KLHL6: variants seen among roughly 807,000 people sequenced by gnomAD.
KLHL6 encodes the protein kelch-like protein 6.
Under a neutral mutation model 58.6 loss-of-function variants are expected in KLHL6, and 41 were observed. That is an observed-to-expected ratio of 0.70 (90% confidence interval 0.55 to 0.91). KLHL6 has a LOEUF of 0.91. KLHL6 is among the 40% of genes least tolerant of loss of function. The probability of loss-of-function intolerance (pLI) is 0.00; values close to 1 mark genes in which losing one functional copy is unlikely to be tolerated. For missense variants in KLHL6, 714 were observed against 805.6 expected (o/e 0.89, Z 1.38); for synonymous variants, 338 against 322.7 (o/e 1.05, Z -0.51).
At chr3:183,525,317 A>G (rs542354840) in intron 2 of KLHL6, among the ~76,000 whole-genome samples, 3 of 116,394 alleles carry the variant, frequency 2.6e-5, no homozygotes, top group South Asian at 5.2e-4. Context: ...GTCTCTTACA[A>G]TCCTAACCCG....
chr3:183,538,184 A>G (rs988794165), intron 1 of KLHL6, among the ~76,000 whole-genome samples: 3 of 152,168 alleles, frequency 2.0e-5, no homozygotes, highest in African/African-American at 4.8e-5. Flanking sequence ...ACGTACCTGC[A>G]CTACTTCAAT....
rs773791242 is a variant in KLHL6 at position 183,508,233 on chromosome 3, G to A, written c.735C>T (p.His245=). 1.2e-6 allele frequency: 2 copies of A among 1,613,824 alleles called. No homozygotes were observed. The highest frequency in any genetic ancestry group is 1.7e-5 in the Admixed American group (1 of 60,016). The change falls in exon 3 of 7, where the codon CAC becomes CAT. Residue 245 remains histidine (H), a synonymous_variant. Coordinates refer to ENST00000341319, the MANE Select transcript of KLHL6 (RefSeq NM_130446.4). ...VFETVMSWVR[H]KPSERLCLLP... is the part of the protein sequence containing the mutation. ...GTAAGCAGAGTCGTTCTGATGGCTT[G>A]TGCCGGACCCAGCTCATCACGGTCT...
intron 1 of KLHL6, among the ~76,000 whole-genome samples, chr3:183,535,862 G>A (rs1712346696): frequency 6.6e-6 from 1 of 152,148 alleles, no homozygotes; most frequent in African/African-American, 2.4e-5. Context: ...TGCAAGCTCT[G>A]CCTCCCGGGT....
intron 2 of KLHL6, among the ~76,000 whole-genome samples, chr3:183,517,525 G>A (rs1711605990): frequency 1.3e-5 from 2 of 152,130 alleles, no homozygotes. Flanking sequence ...TCATGGAGTG[G>A]GCAGAAAAGG....
At position 183,491,863 on chromosome 3, in the gene KLHL6, G is replaced by A. The variant is rs185436388; in HGVS notation, c.*64C>T. The A allele has an allele frequency of 2.8e-3, 3,803 of 1,369,120 alleles. 90 individuals carry two copies. The African/African-American group carries it at 0.05, about 18-fold the overall frequency. 84.8% of individuals were successfully genotyped at this position (1,369,120 alleles called of 1,614,324 possible). A position where few individuals can be genotyped will look rare whatever the true frequency, so the allele number is the denominator to read the frequency against. On this transcript the variant is annotated 3_prime_UTR_variant, in exon 7 of 7. Transcript: ENST00000341319. ...CCTGCTGCCTGAAGTGGGACTGGAGGAGGGTGAGAGGTGAGGCGGGTACGC... is the reference window on the plus strand; with the variant it reads ...CCTGCTGCCTGAAGTGGGACTGGAGAAGGGTGAGAGGTGAGGCGGGTACGC...
intron 1 of KLHL6, among the ~76,000 whole-genome samples, chr3:183,528,212 G>A (rs1487237569): frequency 2.0e-5 from 3 of 152,084 alleles, no homozygotes; most frequent in African/African-American, 7.2e-5. Context: ...GAACTGCCCT[G>A]CTCCTCCATG....
At chr3:183,514,075 T>A (rs1393413316) in intron 2 of KLHL6, among the ~76,000 whole-genome samples, 1 of 152,192 alleles carries the variant, frequency 6.6e-6, no homozygotes. Flanking sequence ...GCTGCGAGCA[T>A]CTATTAATAT....
intron 2 of KLHL6, among the ~76,000 whole-genome samples, chr3:183,515,072 C>T (rs923544148): frequency 2.8e-4 from 42 of 152,270 alleles, no homozygotes; most frequent in African/African-American, 9.4e-4. Context: ...GCACATGTGG[C>T]ATTTTTCTGG....
chr3:183,526,074 G>A (rs1257251398), intron 2 of KLHL6, among the ~76,000 whole-genome samples: 5 of 152,192 alleles, frequency 3.3e-5, no homozygotes, highest in African/African-American at 4.8e-5. Context: ...TTGGGAGGCC[G>A]AGGCGGGCGG....
intron 4 of KLHL6, among the ~76,000 whole-genome samples, chr3:183,498,052 T>C (rs981558605): frequency 3.3e-5 from 5 of 151,934 alleles, no homozygotes; most frequent in Admixed American, 2.6e-4. Context: ...TGACCAACAC[T>C]GTGAAACCCC....
rs1427591192 is a variant in KLHL6 at position 183,487,714 on chromosome 3, A to G, written c.*4213T>C. The G allele has an allele frequency of 6.6e-6, 1 of 152,228 alleles. No homozygotes were observed. The highest frequency in any genetic ancestry group is 1.5e-5 in the Non-Finnish European group (1 of 68,032). The allele number at this position is 152,228 out of a possible 1,614,324, so 9.4% of individuals were successfully genotyped here. On this transcript the variant is annotated 3_prime_UTR_variant, in exon 7 of 7. Transcript: ENST00000341319. ...GAGTGTTGGCTATTTATACCTATAC[A>G]TATGAAAATCTGACCTGTCAAAACT...
intron 4 of KLHL6, among the ~76,000 whole-genome samples, chr3:183,498,894 G>A (rs1363670396): frequency 6.6e-6 from 1 of 152,202 alleles, no homozygotes; most frequent in Non-Finnish European, 1.5e-5. Context: ...ACATGGGAGG[G>A]GAAGGGCAGA....
chr3:183,545,745 T>C (rs1712697959), intron 1 of KLHL6, among the ~76,000 whole-genome samples: 1 of 152,228 alleles, frequency 6.6e-6, no homozygotes, highest in Non-Finnish European at 1.5e-5. Context: ...ATGGCACATC[T>C]GTATGCAGGT....
At chr3:183,538,526 A>G (rs1360946821) in intron 1 of KLHL6, among the ~76,000 whole-genome samples, 1 of 152,206 alleles carries the variant, frequency 6.6e-6, no homozygotes, top group African/African-American at 2.4e-5. Context: ...GTTAAATTCT[A>G]CTTAAGAATA....
chr3:183,499,872 T>C lies in KLHL6; in HGVS notation c.910-45A>G, dbSNP rs747487072. On this transcript the variant is annotated intron_variant, in intron 3 of 6. Coordinates refer to ENST00000341319, the MANE Select transcript of KLHL6 (RefSeq NM_130446.4). The surrounding 1 kb of genome is among the most constrained non-coding windows in gnomAD (Gnocchi z 4.6). ...CATGAAGGCAGGGACAACACAAAGTTTCAGAGCTCGGGCTATGGAGCCATT... is the reference window on the plus strand; with the variant it reads ...CATGAAGGCAGGGACAACACAAAGTCTCAGAGCTCGGGCTATGGAGCCATT... 1 of 1,465,500 alleles carries C rather than the reference T, an allele frequency of 6.8e-7. No individual in the cohort carries two copies. The highest frequency in any genetic ancestry group is 1.3e-5 in the South Asian group (1 of 74,170). 90.8% of individuals were successfully genotyped at this position (1,465,500 alleles called of 1,614,324 possible). A position where few individuals can be genotyped will look rare whatever the true frequency, so the allele number is the denominator to read the frequency against.
chr3:183,527,977 A>C lies in KLHL6; in HGVS notation c.327T>G (p.Tyr109Ter). The C allele has an allele frequency of 6.2e-7, 1 of 1,613,940 alleles. No individual in the cohort carries two copies. The highest frequency in any genetic ancestry group is 1.1e-5 in the South Asian group (1 of 91,066). The change falls in exon 2 of 7, where the codon TAT (tyrosine) becomes TAG (stop). Residue 109 changes from tyrosine to a stop codon, truncating the protein, a stop_gained. Coordinates refer to ENST00000341319, the MANE Select transcript of KLHL6 (RefSeq NM_130446.4). LOFTEE classifies it high-confidence loss of function. The stretch of plus-strand genomic sequence containing the variant: ...CCCCTTTAATAATGATCCTTTTCTC[A>C]TACTTTTCCTTTAAATCGTTGCAGA... ...AMFCNDLKEK[Y>*]EKRIIIKGVD...
intron 2 of KLHL6, chr3:183,522,734 G>A (rs1711809519): frequency 6.6e-6 from 1 of 152,204 alleles, no homozygotes; most frequent in Non-Finnish European, 1.5e-5. Flanking sequence ...CCAAGAGCCA[G>A]GATTGGGCTT....
intron 2 of KLHL6, among the ~76,000 whole-genome samples, chr3:183,516,021 G>C (rs117647957): frequency 1.3e-5 from 2 of 152,230 alleles, no homozygotes; most frequent in Admixed American, 1.3e-4. Flanking sequence ...AAAGAGCGAT[G>C]CAAGTTCACA....
At chr3:183,507,680 G>A (rs554424515) in intron 3 of KLHL6, among the ~76,000 whole-genome samples, 9 of 152,028 alleles carry the variant, frequency 5.9e-5, no homozygotes, top group South Asian at 2.1e-4. Flanking sequence ...TGATCCACCC[G>A]CCCTGGGCCT....
Sources: allele counts gnomAD v4.1 joint callset (sites outside exome capture counted in the v4.1 genomes callset), GRCh38; gene constraint gnomAD v4.1.1; non-coding constraint Gnocchi (gnomAD v3.1); transcripts MANE v1.5; gene names NCBI Gene and HGNC (gene_info 2026-07-23, HGNC 2026-07-21).